The following RHOJ variants were observed in gnomAD, a reference collection of about 807,000 sequenced individuals.
RHOJ encodes the protein ras homolog family member J, also known as rho-related GTP-binding protein RhoJ.
In RHOJ, 11 loss-of-function variants were observed where a neutral mutation model predicts 23.4. That is an observed-to-expected ratio of 0.47 (90% CI 0.30 to 0.78). The LOEUF (loss-of-function observed/expected upper bound fraction) is 0.78. Among genes scored for constraint, RHOJ ranks in the 30% least tolerant of loss-of-function variants. The pLI, the probability that RHOJ is intolerant of heterozygous loss-of-function variation, is 0.08. For missense variants in RHOJ, 254 were observed against 273.4 expected (o/e 0.93, Z 0.50); for synonymous variants, 102 against 102.7 (o/e 0.99, Z 0.04).
chr14:63,273,739 T>C (rs946764704), intron 2 of RHOJ, among the ~76,000 whole-genome samples: 10 of 152,252 alleles, frequency 6.6e-5, no homozygotes, highest in African/African-American at 2.4e-4. Context: ...TTGTGGCCTC[T>C]TGGGCAAGAC....
rs1395770691 is a variant in RHOJ at position 63,285,811 on chromosome 14, T to C, written c.498+2595T>C. ...AGGTGCTATGCTGGATGCTACACTG[T>C]TTAGCTCTAAGATTGTAATTCTTTG... On this transcript the variant is annotated intron_variant, in intron 4 of 4. Transcript: ENST00000316754. 2.0e-5 allele frequency among the ~76,000 whole-genome samples: 3 copies of C among 152,228 alleles called. No homozygotes were observed. In the East Asian group the frequency reaches 5.8e-4, roughly 29 times the overall value.
chr14:63,229,062 C>T (rs1312138062), intron 1 of RHOJ, among the ~76,000 whole-genome samples: 2 of 152,208 alleles, frequency 1.3e-5, no homozygotes, highest in Non-Finnish European at 2.9e-5. Flanking sequence ...AATCTCTAAG[C>T]ATCTGGCATG....
At chr14:63,224,405 G>A (rs1278815924) in intron 1 of RHOJ, among the ~76,000 whole-genome samples, 3 of 152,046 alleles carry the variant, frequency 2.0e-5, no homozygotes, top group African/African-American at 7.3e-5. Context: ...TCCTTTTATG[G>A]GTAGAAATGC....
chr14:63,225,995 T>C (rs1894587951), intron 1 of RHOJ, among the ~76,000 whole-genome samples: 1 of 152,154 alleles, frequency 6.6e-6, no homozygotes, highest in African/African-American at 2.4e-5. Flanking sequence ...AGCCTTTTCA[T>C]GTAAAAAAAC....
At chr14:63,257,134 G>T (rs1207121332) in intron 1 of RHOJ, among the ~76,000 whole-genome samples, 1 of 147,558 alleles carries the variant, frequency 6.8e-6, no homozygotes. Flanking sequence ...GCTACTAAGG[G>T]GGCTGAGGCA....
chr14:63,209,650 A>G (rs1255818311), intron 1 of RHOJ, among the ~76,000 whole-genome samples: 1 of 152,218 alleles, frequency 6.6e-6, no homozygotes, highest in Non-Finnish European at 1.5e-5. Context: ...CCAGCTTCAA[A>G]AAACAAAGTC....
chr14:63,275,556 G>A (rs1015775648), intron 2 of RHOJ, among the ~76,000 whole-genome samples: 3 of 152,106 alleles, frequency 2.0e-5, no homozygotes, highest in Non-Finnish European at 4.4e-5. Context: ...AACTGAACAT[G>A]TTCTTGCCTT....
intron 1 of RHOJ, among the ~76,000 whole-genome samples, chr14:63,254,148 G>A (rs1256474614): frequency 1.3e-5 from 2 of 152,202 alleles, no homozygotes; most frequent in African/African-American, 4.8e-5. Flanking sequence ...TGTCTCGGCT[G>A]TCAGTGCTGG....
chr14:63,283,262 AGT>A, intron 4 of RHOJ, 46 bp downstream of exon 4: 1 of 1,487,604 alleles, frequency 6.7e-7, no homozygotes, highest in South Asian at 1.1e-5. Context: ...CTGAGAGAAG[AGT>A]GTGTTGTATG....
At chr14:63,284,860 G>T (rs1363131890) in intron 4 of RHOJ, among the ~76,000 whole-genome samples, 2 of 151,988 alleles carry the variant, frequency 1.3e-5, no homozygotes, top group East Asian at 3.9e-4. Context: ...AAAAGAAGTC[G>T]TTTCAAAGCC....
At chr14:63,278,358 A>C (rs1881798394) in intron 2 of RHOJ, among the ~76,000 whole-genome samples, 1 of 152,126 alleles carries the variant, frequency 6.6e-6, no homozygotes, top group African/African-American at 2.4e-5. Flanking sequence ...TTAACATTCT[A>C]AGGTACTTCC....
At chr14:63,247,148 C>A (rs1222690568) in intron 1 of RHOJ, among the ~76,000 whole-genome samples, 1 of 152,020 alleles carries the variant, frequency 6.6e-6, no homozygotes, top group South Asian at 2.1e-4. Context: ...AATGGAGTAG[C>A]CAGAGCAAAG....
chr14:63,259,215 G>T (rs900182096), intron 1 of RHOJ, among the ~76,000 whole-genome samples: 1 of 152,194 alleles, frequency 6.6e-6, no homozygotes, highest in Non-Finnish European at 1.5e-5. Flanking sequence ...TAAATGCACA[G>T]AAATTCTAGT....
At chr14:63,268,420 C>G (rs1895406470) in intron 1 of RHOJ, among the ~76,000 whole-genome samples, 1 of 152,178 alleles carries the variant, frequency 6.6e-6, no homozygotes, top group African/African-American at 2.4e-5. Flanking sequence ...TTAAGTCAAA[C>G]TCACTACTTT....
At chr14:63,241,266 C>T (rs1489623365) in intron 1 of RHOJ, among the ~76,000 whole-genome samples, 1 of 152,094 alleles carries the variant, frequency 6.6e-6, no homozygotes, top group Non-Finnish European at 1.5e-5. Context: ...GACCATCTGT[C>T]CTCTAAGTTT....
chr14:63,205,139 A>G, intron 1 of RHOJ, 92 bp downstream of exon 1: 2 of 1,386,556 alleles, frequency 1.4e-6, no homozygotes, highest in Non-Finnish European at 9.9e-7. Flanking sequence ...TTCTAATGTC[A>G]GTATTGGGTG....
intron 1 of RHOJ, among the ~76,000 whole-genome samples, chr14:63,207,035 C>CTTTTTTTTTT (rs200555463): frequency 7.1e-6 from 1 of 141,072 alleles, no homozygotes. Context: ...CTTTTCTTTT[C>CTTTTTTTTTT]TTTTTTTTTT....
In RHOJ at chr14:63,237,648, C is replaced by T. The variant is rs145603568; in HGVS notation, c.179-31462C>T. On this transcript the variant is annotated intron_variant, in intron 1 of 4. Coordinates refer to ENST00000316754, the MANE Select transcript of RHOJ (RefSeq NM_020663.5). The stretch of plus-strand genomic sequence containing the variant: ...ATTTCATAGTTTCAAAGGGCAATTT[C>T]GTCTTCTGGTTTTCCAAATAGTATC... 3.5e-3 allele frequency among the ~76,000 whole-genome samples: 531 copies of T among 152,288 alleles called. 3 individuals carry two copies. The highest frequency in any genetic ancestry group is 0.011 in the African/African-American group (464 of 41,556).
At chr14:63,289,885 T>TTTATTG (rs1447992670) in intron 4 of RHOJ, among the ~76,000 whole-genome samples, 1 of 152,180 alleles carries the variant, frequency 6.6e-6, no homozygotes, top group East Asian at 1.9e-4. Context: ...CGTTACATGT[T>TTTATTG]TTATTGTTAT....
Sources: gnomAD v4.1 joint callset for allele counts (sites outside exome capture counted in the v4.1 genomes callset) on GRCh38, gnomAD v4.1.1 for gene constraint, MANE v1.5 for transcripts, NCBI Gene and HGNC (gene_info 2026-07-23, HGNC 2026-07-21) for gene names.